The following STMN4 variants were observed in gnomAD, a reference collection of about 807,000 sequenced individuals.
STMN4 encodes stathmin 4, also known as stathmin-4.
In STMN4, 12 loss-of-function variants were observed where a neutral mutation model predicts 29.1. That is an observed-to-expected ratio of 0.41 (90% confidence interval 0.26 to 0.67). The LOEUF (loss-of-function observed/expected upper bound fraction) is 0.67, where lower values mean the gene tolerates loss of function less well. STMN4 is among the 30% of genes least tolerant of loss of function. The pLI, the probability that STMN4 is intolerant of heterozygous loss-of-function variation, is 0.30. For synonymous variants in STMN4, 114 were observed against 105.3 expected (o/e 1.08, Z -0.51); for missense variants, 181 against 262.8 (o/e 0.69, Z 2.15).
intron 1 of STMN4, among the ~76,000 whole-genome samples, chr8:27,251,328 G>T (rs75547330): frequency 9.3e-6 from 1 of 107,352 alleles, no homozygotes; most frequent in Non-Finnish European, 2.0e-5. Context: ...ACGTATATAC[G>T]TGTATATATA....
intron 4 of STMN4, 78 bp from the exon 5 acceptor site, chr8:27,241,340 G>T: frequency 1.3e-6 from 2 of 1,570,516 alleles, no homozygotes; most frequent in South Asian, 2.3e-5. Context: ...GCATGCACAC[G>T]GGAGTGGGAG....
intron 5 of STMN4, 112 bp downstream of exon 5, chr8:27,240,941 TA>T: frequency 9.3e-7 from 1 of 1,072,384 alleles, no homozygotes; most frequent in Non-Finnish European, 1.3e-6. Flanking sequence ...AGATGCTCCC[TA>T]AATATTGCAG....
At position 27,235,808 on chromosome 8, in the gene STMN4, G is replaced by A. The variant is rs184820601; in HGVS notation, c.*1038C>T. 6.6e-6 allele frequency: 1 copy of A among 152,526 alleles called. No individual in the cohort carries two copies. Among genetic ancestry groups the A allele is most frequent in the East Asian group, 1.9e-4 (1 of 5,184 alleles). 9.4% of individuals were successfully genotyped at this position (152,526 alleles called of 1,614,324 possible). A position where few individuals can be genotyped will look rare whatever the true frequency, so the allele number is the denominator to read the frequency against. ...TGCCATGTGAGGATGCAGCAAAAAG[G>A]CATCATCTTTGAAGCAGATGGCAAG... On this transcript the variant is annotated 3_prime_UTR_variant, in exon 7 of 7. Transcript: ENST00000350889.
chr8:27,243,689 A>C (rs7830662), intron 2 of STMN4, 22 bp downstream of exon 2: 1,183,989 of 1,611,612 alleles, frequency 0.73, 436,548 homozygotes, highest in East Asian at 0.89. Flanking sequence ...TACGCCCCTT[A>C]ACACATGGTT....
At chr8:27,239,093 C>G in intron 6 of STMN4, 3 of 1,068,916 alleles carry the variant, frequency 2.8e-6, no homozygotes, top group Non-Finnish European at 3.9e-6. Context: ...GGGGCTGCCT[C>G]GTGCTGGCCA....
chr8:27,244,237 T>C (rs1214425517), intron 1 of STMN4, among the ~76,000 whole-genome samples: 1 of 152,112 alleles, frequency 6.6e-6, no homozygotes, highest in Non-Finnish European at 1.5e-5. Flanking sequence ...GCCCCAGAAG[T>C]CTTTGGGCCA....
intron 2 of STMN4, among the ~76,000 whole-genome samples, chr8:27,243,086 G>T (rs768007884): frequency 2.6e-5 from 4 of 152,144 alleles, no homozygotes; most frequent in Admixed American, 6.5e-5. Context: ...CCACCCTCTA[G>T]TCTATCTGTG....
chr8:27,253,918 A>G (rs554083892), intron 1 of STMN4, among the ~76,000 whole-genome samples: 33 of 152,048 alleles, frequency 2.2e-4, no homozygotes, highest in African/African-American at 8.0e-4. Flanking sequence ...GAGGAGCTGG[A>G]ATTACATGCG....
chr8:27,239,391 T>G, intron 6 of STMN4: 26 of 1,248,256 alleles, frequency 2.1e-5, no homozygotes, highest in Non-Finnish European at 2.8e-5. Context: ...GGGCCGGTAT[T>G]CTGCTGACAC....
intron 4 of STMN4, 88 bp from the exon 5 acceptor site, chr8:27,241,350 G>A: frequency 1.3e-6 from 2 of 1,547,870 alleles, no homozygotes; most frequent in Non-Finnish European, 1.8e-6. Context: ...GGGAGTGGGA[G>A]AACTGGGGCC....
chr8:27,237,179 C>T (rs1801334974), intron 6 of STMN4, among the ~76,000 whole-genome samples: 1 of 152,168 alleles, frequency 6.6e-6, no homozygotes, highest in African/African-American at 2.4e-5. Flanking sequence ...GGCCACGCAG[C>T]CTCCCCCTCC....
chr8:27,242,321 G>A, intron 3 of STMN4, 76 bp downstream of exon 3: 1 of 1,388,658 alleles, frequency 7.2e-7, no homozygotes, highest in Non-Finnish European at 1.0e-6. Flanking sequence ...CGGGACTGGG[G>A]TCGGGGTGCA....
chr8:27,239,247 A>C, intron 6 of STMN4: 1 of 1,535,650 alleles, frequency 6.5e-7, no homozygotes, highest in Non-Finnish European at 8.7e-7. Flanking sequence ...GCCACCGATC[A>C]GGTCCCGGGA....
rs558882098 is a variant in STMN4 at position 27,244,146 on chromosome 8, G to C, written c.-78-345C>G. 1.9e-3 allele frequency among the ~76,000 whole-genome samples: 294 copies of C among 152,280 alleles called. 5 individuals carry two copies. Among genetic ancestry groups the C allele is most frequent in the Middle Eastern group, 0.017 (5 of 294 alleles). ...GAACCTGGCCCAATTCAAGGGTTAG[G>C]GTGAGAAGCAAATCCTCCTGCAGAA... On this transcript the variant is annotated intron_variant, in intron 1 of 6. Transcript: ENST00000350889.
chr8:27,239,882 C>A, intron 6 of STMN4, 89 bp downstream of exon 6: 1 of 1,602,624 alleles, frequency 6.2e-7, no homozygotes, highest in East Asian at 2.2e-5. Context: ...CTGCTTCCTC[C>A]CTGAGATGAT....
rs1317844370 is a variant in STMN4, at chr8:27,241,199, C to T, written c.254G>A (p.Cys85Tyr). ...SDMEVIELNK[C>Y]TSGQSFEVIL... ...GACTTCAAAGGATTGGCCCGAGGTG[C>T]ATTTGTTCAGCTCGATGACTTCCAT... Residue 85 changes from cysteine to tyrosine, a missense_variant, in exon 5 of 7, where the codon TGC (cysteine) becomes TAC (tyrosine). Transcript: ENST00000350889. 1.2e-6 allele frequency: 2 copies of T among 1,614,230 alleles called. No individual in the cohort carries two copies. The highest frequency in any genetic ancestry group is 1.1e-5 in the South Asian group (1 of 91,090).
At chr8:27,242,576 G>A (rs1801507944) in intron 2 of STMN4, 84 bp from the exon 3 acceptor site, 3 of 1,408,194 alleles carry the variant, frequency 2.1e-6, no homozygotes, top group Non-Finnish European at 9.9e-7. Context: ...GCTCTGAGCA[G>A]CCCAGGGTTC....
rs73563904 is a variant in STMN4 at position 27,236,894 on chromosome 8, G to T, written c.603C>A (p.Ala201=). The T allele has an allele frequency of 1.2e-6, 2 of 1,607,740 alleles. No homozygotes were observed. Among genetic ancestry groups the T allele is most frequent in the Non-Finnish European group, 1.7e-6 (2 of 1,177,434 alleles). Residue 201 remains alanine, a synonymous_variant, in exon 7 of 7, where the codon GCC becomes GCA. Coordinates refer to ENST00000350889, the MANE Select transcript of STMN4 (RefSeq NM_030795.4). ...GCTCCTTGTTTTTCCGCACCTCCTC[G>T]GCGTGCTTGTCCTGGAAAGGAAGGG... ...LERLQEKDKH[A]EEVRKNKELK...
chr8:27,255,939 G>A (rs979421101), intron 1 of STMN4, among the ~76,000 whole-genome samples: 5 of 152,064 alleles, frequency 3.3e-5, no homozygotes, highest in Admixed American at 6.6e-5. Flanking sequence ...TCTTTGATAG[G>A]TCCTTTAGAA....
Sources: gnomAD v4.1 joint callset for allele counts (sites outside exome capture counted in the v4.1 genomes callset) on GRCh38, gnomAD v4.1.1 for gene constraint, MANE v1.5 for transcripts, NCBI Gene and HGNC (gene_info 2026-07-23, HGNC 2026-07-21) for gene names.